The following SCRG1 variants were observed in gnomAD, a reference collection of about 807,000 sequenced individuals.
The protein encoded by SCRG1 is stimulator of chondrogenesis 1.
A neutral mutation model predicts 7.7 loss-of-function variants in SCRG1; 3 were observed. That is an observed-to-expected ratio of 0.39 (90% CI 0.18 to 1.01). The LOEUF (loss-of-function observed/expected upper bound fraction) is 1.01, where lower values mean the gene tolerates loss of function less well. SCRG1 is among the 50% of genes least tolerant of loss of function. The probability of loss-of-function intolerance (pLI) is 0.36; values close to 1 mark genes in which losing one functional copy is unlikely to be tolerated. For missense variants in SCRG1, 110 were observed against 117.2 expected, an observed-to-expected ratio of 0.94 and a Z score of 0.28; for synonymous variants, 46 against 41.2, an observed-to-expected ratio of 1.12 and a Z score of -0.44.
chr4:173,410,620 G>C (rs1740015847), upstream of SCRG1, among the ~76,000 whole-genome samples: 1 of 152,156 alleles, frequency 6.6e-6, no homozygotes, highest in Non-Finnish European at 1.5e-5. Flanking sequence ...TGGAGGAATG[G>C]AGGCTTAAGC....
upstream of SCRG1, chr4:173,399,488 G>GTA (rs1277931072): frequency 1.7e-5 from 1 of 58,282 alleles, no homozygotes; most frequent in Non-Finnish European, 4.3e-5. Flanking sequence ...GTGTGTGTGT[G>GTA]TGTTTGTGTG....
chr4:173,510,608 T>A, the SCRG1 span, among the ~76,000 whole-genome samples: 2 of 152,118 alleles, frequency 1.3e-5, no homozygotes, highest in Admixed American at 6.5e-5. This position sits in a 1 kb window ranked among gnomAD's most constrained non-coding sequence, Gnocchi z 5.7. Flanking sequence ...TCTACTGCAG[T>A]CTTCTCTCCA....
chr4:173,517,219 G>A, the SCRG1 span, among the ~76,000 whole-genome samples: 1 of 152,172 alleles, frequency 6.6e-6, no homozygotes, highest in Non-Finnish European at 1.5e-5. Context: ...CAAGTGGTGG[G>A]GACTGCAGTC....
At chr4:173,437,772 G>T in the SCRG1 span, among the ~76,000 whole-genome samples, 2 of 152,130 alleles carry the variant, frequency 1.3e-5, no homozygotes, top group Non-Finnish European at 2.9e-5. Context: ...TTTAGACATA[G>T]TCCCCGCCTG....
upstream of SCRG1, among the ~76,000 whole-genome samples, chr4:173,400,721 G>C (rs184274390): frequency 6.6e-6 from 1 of 152,238 alleles, no homozygotes; most frequent in East Asian, 1.9e-4. Flanking sequence ...ACTATTATTA[G>C]TCCCATTTTA....
chr4:173,446,061 T>C, the SCRG1 span, among the ~76,000 whole-genome samples: 2 of 151,844 alleles, frequency 1.3e-5, no homozygotes, highest in Non-Finnish European at 2.9e-5. Context: ...CTTCCAGGTA[T>C]ATTTATTTGT....
chr4:173,419,592 A>C, the SCRG1 span: 1 of 726,010 alleles, frequency 1.4e-6, no homozygotes, highest in African/African-American at 1.7e-5. Context: ...TCAGAATCAT[A>C]ACCAAGGATT....
chr4:173,412,318 G>A, the SCRG1 span, among the ~76,000 whole-genome samples: 9 of 152,158 alleles, frequency 5.9e-5, no homozygotes, highest in South Asian at 4.1e-4. Context: ...GAGTAGTTCC[G>A]CAAATCTCAA....
the SCRG1 span, among the ~76,000 whole-genome samples, chr4:173,484,709 A>ACATATTATATATTATATGCATATAATG: frequency 2.1e-5 from 2 of 95,542 alleles, no homozygotes; most frequent in Non-Finnish European, 3.6e-5. Context: ...TGCATATAAT[A>ACATATTATATATTATATGCATATAATG]CATATTATAT....
chr4:173,420,466 T>C, the SCRG1 span, among the ~76,000 whole-genome samples: 1 of 152,082 alleles, frequency 6.6e-6, no homozygotes, highest in Admixed American at 6.6e-5. Context: ...ATGGTAGCTG[T>C]TGTATTTTGG....
the SCRG1 span, among the ~76,000 whole-genome samples, chr4:173,489,997 A>G: frequency 6.6e-6 from 1 of 152,238 alleles, no homozygotes; most frequent in Non-Finnish European, 1.5e-5. Context: ...CTGCAACATC[A>G]GTTCTAGCCA....
chr4:173,451,867 C>T, the SCRG1 span, among the ~76,000 whole-genome samples: 1 of 151,936 alleles, frequency 6.6e-6, no homozygotes, highest in Non-Finnish European at 1.5e-5. Context: ...CGAAGTAATA[C>T]CCTTAACCTC....
chr4:173,471,379 C>T, the SCRG1 span, among the ~76,000 whole-genome samples: 1 of 152,122 alleles, frequency 6.6e-6, no homozygotes, highest in Non-Finnish European at 1.5e-5. Flanking sequence ...GGTATCCTAA[C>T]TTTGGCTTTT....
the SCRG1 span, among the ~76,000 whole-genome samples, chr4:173,428,115 A>T: frequency 1.4e-4 from 21 of 152,310 alleles, 1 homozygote; most frequent in South Asian, 4.3e-3. Flanking sequence ...TACAGGATAG[A>T]TGGTGAATAC....
the SCRG1 span, among the ~76,000 whole-genome samples, chr4:173,502,514 C>T: frequency 1.3e-5 from 2 of 152,192 alleles, no homozygotes; most frequent in Non-Finnish European, 2.9e-5. The surrounding 1 kb of genome is among the most constrained non-coding windows in gnomAD (Gnocchi z 4.6). Context: ...TCTCCGTTGC[C>T]TGGCTCCTTT....
the SCRG1 span, among the ~76,000 whole-genome samples, chr4:173,502,261 C>T: frequency 6.6e-6 from 1 of 152,062 alleles, no homozygotes; most frequent in African/African-American, 2.4e-5. The surrounding 1 kb of genome is among the most constrained non-coding windows in gnomAD (Gnocchi z 4.6). Flanking sequence ...GTATGTGAGC[C>T]ACATGGTCCG....
At chr4:173,480,728 T>A in the SCRG1 span, among the ~76,000 whole-genome samples, 2 of 152,186 alleles carry the variant, frequency 1.3e-5, no homozygotes, top group African/African-American at 4.8e-5. Context: ...TTAAGTGGCA[T>A]ATATTGGTAT....
the SCRG1 span, among the ~76,000 whole-genome samples, chr4:173,427,265 C>T: frequency 6.6e-6 from 1 of 152,198 alleles, no homozygotes; most frequent in African/African-American, 2.4e-5. Context: ...GCAGTTCATA[C>T]AGTTTGTGTG....
chr4:173,438,566 T>C, the SCRG1 span, among the ~76,000 whole-genome samples: 1 of 152,066 alleles, frequency 6.6e-6, no homozygotes, highest in Admixed American at 6.5e-5. Flanking sequence ...CTGAGCAACA[T>C]ATTGATCAAT....
Sources: gnomAD v4.1 joint callset for allele counts (sites outside exome capture counted in the v4.1 genomes callset) on GRCh38, gnomAD v4.1.1 for gene constraint, Gnocchi (gnomAD v3.1) non-coding constraint, MANE v1.5 for transcripts, NCBI Gene and HGNC (gene_info 2026-07-23, HGNC 2026-07-21) for gene names.